The following DTNA variants were observed in gnomAD, a reference collection of about 807,000 sequenced individuals.
DTNA encodes dystrobrevin alpha.
In DTNA, 43 loss-of-function variants were observed where a neutral mutation model predicts 100.7. The ratio of observed to expected loss-of-function variants is 0.43; its 90% CI spans 0.33 to 0.55. The LOEUF (loss-of-function observed/expected upper bound fraction) is 0.55, where lower values mean the gene tolerates loss of function less well. Ranked by LOEUF, DTNA falls within the 20% of genes least tolerant of loss-of-function variation. DTNA has a pLI of 0.04. For synonymous variants in DTNA, 349 were observed against 347.9 expected, an observed-to-expected ratio of 1.00 and a Z score of -0.04; for missense variants, 798 against 953.9, an observed-to-expected ratio of 0.84 and a Z score of 2.15.
chr18:34,718,143 G>T (rs1275039591), intron 1 of DTNA, among the ~76,000 whole-genome samples: 1 of 152,070 alleles, frequency 6.6e-6, no homozygotes, highest in Non-Finnish European at 1.5e-5. Flanking sequence ...GAAACTGAGC[G>T]TATCTTACAA....
chr18:34,725,237 T>C (rs1188885593), intron 1 of DTNA, among the ~76,000 whole-genome samples: 5 of 151,868 alleles, frequency 3.3e-5, no homozygotes, highest in Non-Finnish European at 7.4e-5. Flanking sequence ...AAAGGCAAAA[T>C]AGACAAATGG....
intron 1 of DTNA, among the ~76,000 whole-genome samples, chr18:34,539,556 A>G (rs1261624877): frequency 6.6e-6 from 1 of 151,972 alleles, no homozygotes; most frequent in African/African-American, 2.4e-5. Context: ...TAGTGTGATT[A>G]CTAAGGTCAT....
intron 5 of DTNA, among the ~76,000 whole-genome samples, chr18:34,807,680 T>C (rs1177956398): frequency 6.6e-6 from 1 of 151,912 alleles, no homozygotes; most frequent in Non-Finnish European, 1.5e-5. Flanking sequence ...CTTCCCTCCA[T>C]GGAGAGCCAA....
intron 1 of DTNA, among the ~76,000 whole-genome samples, chr18:34,658,148 GGAGA>G (rs2074659067): frequency 6.6e-6 from 1 of 152,110 alleles, no homozygotes. Flanking sequence ...AAACTAAAAA[GGAGA>G]GAGTATGCAG....
At position 34,888,001 on chromosome 18, in the gene DTNA, G is replaced by GA. The variant is rs1234052671; in HGVS notation, c.*276dup. ...GTGCATAGGTGTGTGTTTCAAGAAG[G>GA]AAAAAAAAAGACTTCTGTTCAAAGT... On this transcript the variant is annotated 3_prime_UTR_variant, in exon 23 of 23. Coordinates refer to ENST00000444659, the MANE Select transcript of DTNA (RefSeq NM_001386795.1). The GA allele has an allele frequency of 6.7e-5, 66 of 983,066 alleles. No individual in the cohort carries two copies. Among genetic ancestry groups the GA allele is most frequent in the East Asian group, 1.1e-4 (1 of 8,770 alleles). The allele number at this position is 983,066 out of a possible 1,614,324, so 60.9% of individuals were successfully genotyped here.
At chr18:34,770,608 A>G (rs1601734827) in intron 3 of DTNA, among the ~76,000 whole-genome samples, 1 of 152,170 alleles carries the variant, frequency 6.6e-6, no homozygotes, top group East Asian at 1.9e-4. Flanking sequence ...TTCTAAAAGG[A>G]CTCTGAACAA....
chr18:34,538,544 G>T (rs562384734), intron 1 of DTNA, among the ~76,000 whole-genome samples: 3 of 152,052 alleles, frequency 2.0e-5, no homozygotes, highest in Non-Finnish European at 4.4e-5. Flanking sequence ...TTTTCTCATG[G>T]AGCGTTATGA....
intron 6 of DTNA, among the ~76,000 whole-genome samples, chr18:34,813,841 CAA>C (rs34385959): frequency 3.5e-4 from 25 of 71,528 alleles, no homozygotes; most frequent in South Asian, 9.5e-4. Context: ...GACTCCATCT[CAA>C]AAAAAAAAAA....
At chr18:34,689,251 G>A (rs1568226699) in intron 1 of DTNA, among the ~76,000 whole-genome samples, 2 of 152,170 alleles carry the variant, frequency 1.3e-5, no homozygotes, top group East Asian at 3.9e-4. Flanking sequence ...CAGCCTTTTT[G>A]CACTGGTTTT....
At chr18:34,609,983 C>T (rs2053912661) in intron 1 of DTNA, among the ~76,000 whole-genome samples, 1 of 152,128 alleles carries the variant, frequency 6.6e-6, no homozygotes, top group Admixed American at 6.5e-5. Context: ...AAGAGCTTAG[C>T]GATATCCTCT....
At chr18:34,557,463 G>A (rs186206991) in intron 1 of DTNA, among the ~76,000 whole-genome samples, 77 of 152,138 alleles carry the variant, frequency 5.1e-4, no homozygotes, top group African/African-American at 1.6e-3. Flanking sequence ...AGAGTTTCCC[G>A]TTTTTCTGTT....
At chr18:34,683,986 G>A (rs997088394) in intron 1 of DTNA, among the ~76,000 whole-genome samples, 3 of 152,122 alleles carry the variant, frequency 2.0e-5, no homozygotes, top group South Asian at 2.1e-4. Context: ...ACATATGTGG[G>A]AAATGATCTC....
At chr18:34,834,874 A>G (rs2149665170) in intron 11 of DTNA, among the ~76,000 whole-genome samples, 1 of 152,320 alleles carries the variant, frequency 6.6e-6, no homozygotes, top group South Asian at 2.1e-4. Context: ...TTCAAACCAT[A>G]GCAATCACTA....
At chr18:34,540,993 G>A (rs180773083) in intron 1 of DTNA, among the ~76,000 whole-genome samples, 70 of 152,108 alleles carry the variant, frequency 4.6e-4, no homozygotes, top group African/African-American at 1.7e-3. Context: ...GCCAATTTAG[G>A]AATCCTTGCT....
chr18:34,744,254 C>G (rs1209877043), intron 1 of DTNA, among the ~76,000 whole-genome samples: 1 of 152,038 alleles, frequency 6.6e-6, no homozygotes, highest in African/African-American at 2.4e-5. Flanking sequence ...TAAAAATCAC[C>G]CCAAATAAAT....
intron 1 of DTNA, among the ~76,000 whole-genome samples, chr18:34,517,745 T>C (rs1181119207): frequency 6.6e-6 from 1 of 152,112 alleles, no homozygotes; most frequent in Non-Finnish European, 1.5e-5. Flanking sequence ...CATAATTTCA[T>C]TGAGTTCTAG....
At chr18:34,711,405 G>T (rs1600621220) in intron 1 of DTNA, among the ~76,000 whole-genome samples, 1 of 152,122 alleles carries the variant, frequency 6.6e-6, no homozygotes, top group African/African-American at 2.4e-5. Context: ...TTAGCCAGGG[G>T]TTTACTTAAT....
intron 15 of DTNA, among the ~76,000 whole-genome samples, chr18:34,856,276 TACTACTGC>T (rs1373799640): frequency 6.6e-6 from 1 of 152,154 alleles, no homozygotes; most frequent in Admixed American, 6.5e-5. Flanking sequence ...CTTTAGGTAA[TACTACTGC>T]ACCATGGAAA....
intron 13 of DTNA, 27 bp from the exon 14 acceptor site, chr18:34,848,269 G>T (rs768922667): frequency 6.2e-7 from 1 of 1,611,324 alleles, no homozygotes; most frequent in African/African-American, 1.3e-5. Flanking sequence ...TTGCCTAACG[G>T]TCTCCTTCTT....
Sources: gnomAD v4.1 joint callset for allele counts (sites outside exome capture counted in the v4.1 genomes callset) on GRCh38, gnomAD v4.1.1 for gene constraint, MANE v1.5 for transcripts, NCBI Gene and HGNC (gene_info 2026-07-23, HGNC 2026-07-21) for gene names.